The following KCNH5 variants were observed in gnomAD, a reference collection of about 807,000 sequenced individuals.
KCNH5 encodes voltage-gated delayed rectifier potassium channel KCNH5.
KCNH5 carries 46 observed loss-of-function variants against 96.1 expected under a neutral mutation model. That is an observed-to-expected ratio of 0.48 (90% CI 0.38 to 0.61). The LOEUF (loss-of-function observed/expected upper bound fraction) is 0.61, where lower values mean the gene tolerates loss of function less well. Among genes scored for constraint, KCNH5 ranks in the 20% least tolerant of loss-of-function variants. The pLI, the probability that KCNH5 is intolerant of heterozygous loss-of-function variation, is 0.00. For missense variants in KCNH5, 907 were observed against 1,225.8 expected, an observed-to-expected ratio of 0.74 and a Z score of 3.88; for synonymous variants, 439 against 449.8, an observed-to-expected ratio of 0.98 and a Z score of 0.30.
intron 7 of KCNH5, among the ~76,000 whole-genome samples, chr14:62,937,841 T>C (rs2140120978): frequency 6.6e-6 from 1 of 152,230 alleles, no homozygotes; most frequent in South Asian, 2.1e-4. Context: ...ATTTGGAGTG[T>C]CAGTGTGTGC....
chr14:62,999,462 C>T (rs1356913710), intron 4 of KCNH5, among the ~76,000 whole-genome samples: 1 of 151,688 alleles, frequency 6.6e-6, no homozygotes. Context: ...TGGAACCAAC[C>T]CAAATGCCCA....
intron 10 of KCNH5, among the ~76,000 whole-genome samples, chr14:62,769,168 CACTT>C (rs1357900218): frequency 1.3e-5 from 2 of 152,244 alleles, no homozygotes; most frequent in African/African-American, 4.8e-5. Context: ...TCCCTTAACT[CACTT>C]GTCTTACAGT....
Position 62,737,180 on chromosome 14 carries a change from T to C in KCNH5, c.2020-28725A>G, listed in dbSNP as rs1022816635. Among the ~76,000 whole-genome samples the C allele has an allele frequency of 1.9e-4, 29 of 152,180 alleles. 1 individual carries two copies. Reference sequence around the variant, plus strand: ...TTGCTCTCATTATCTTCAAATAGATTATACATTTTACTTATTTGTTTTTCT... The same window carrying C: ...TTGCTCTCATTATCTTCAAATAGATCATACATTTTACTTATTTGTTTTTCT... On this transcript the variant is annotated intron_variant, in intron 10 of 10. Coordinates refer to ENST00000322893, the MANE Select transcript of KCNH5 (RefSeq NM_139318.5).
intron 7 of KCNH5, among the ~76,000 whole-genome samples, chr14:62,927,676 A>T (rs1889501872): frequency 6.6e-6 from 1 of 152,120 alleles, no homozygotes; most frequent in Non-Finnish European, 1.5e-5. Flanking sequence ...AGCACCTAAA[A>T]TACTCAAATT....
chr14:62,894,103 T>A (rs1376208073), intron 7 of KCNH5, among the ~76,000 whole-genome samples: 2 of 152,322 alleles, frequency 1.3e-5, no homozygotes, highest in East Asian at 1.9e-4. Flanking sequence ...TTAGACATAA[T>A]AGTATTCCAT....
At position 62,796,731 on chromosome 14, in the gene KCNH5, C is replaced by T. The variant is rs184888359; in HGVS notation, c.1822+5598G>A. Among the ~76,000 whole-genome samples, 36 of 152,222 alleles carry T rather than the reference C, an allele frequency of 2.4e-4. 1 individual carries two copies. The highest frequency in any genetic ancestry group is 8.4e-4 in the African/African-American group (35 of 41,534). Reference sequence around the variant, plus strand: ...CCTCAGGAAGTCCTGACGACATGTGCCCAACATGATCGGGACACAGCTTGG... The same window carrying T: ...CCTCAGGAAGTCCTGACGACATGTGTCCAACATGATCGGGACACAGCTTGG... On this transcript the variant is annotated intron_variant, in intron 9 of 10. Coordinates refer to ENST00000322893, the MANE Select transcript of KCNH5 (RefSeq NM_139318.5).
chr14:62,987,546 C>G (rs74058739), intron 4 of KCNH5, among the ~76,000 whole-genome samples: 1 of 152,138 alleles, frequency 6.6e-6, no homozygotes, highest in African/African-American at 2.4e-5. Flanking sequence ...TCTTGCATCT[C>G]AGTATGGCCT....
Position 62,802,472 on chromosome 14 carries a change from C to T in KCNH5, c.1679G>A (p.Arg560His). 3 of 1,614,112 alleles carry T rather than the reference C, an allele frequency of 1.9e-6. No individual in the cohort carries two copies. The highest frequency in any genetic ancestry group is 2.5e-6 in the Non-Finnish European group (3 of 1,180,004). Reference sequence around the variant, plus strand: ...GGTTTGGAACTCTACCGCCAAGGCGCGCAGACACCCATCGCTGGCCAATCG... The same window carrying T: ...GGTTTGGAACTCTACCGCCAAGGCGTGCAGACACCCATCGCTGGCCAATCG... ...AFRLASDGCL[R>H]ALAVEFQTIH... Residue 560 changes from arginine (R) to histidine (H), a missense_variant, in exon 9 of 11, where the codon CGC becomes CAC. By Grantham distance (29) the Arg-to-His change is conservative. Coordinates refer to ENST00000322893, the MANE Select transcript of KCNH5 (RefSeq NM_139318.5).
rs550699145 is a variant in KCNH5 at position 62,796,442 on chromosome 14, A to C, written c.1822+5887T>G. ...CATTTATGCTCTTTTTCCCAACCCC[A>C]TAACAATTTCAATCCCTCCTTCCAA... On this transcript the variant is annotated intron_variant, in intron 9 of 10. Coordinates refer to ENST00000322893, the MANE Select transcript of KCNH5 (RefSeq NM_139318.5). Among the ~76,000 whole-genome samples the C allele has an allele frequency of 4.6e-5, 7 of 152,312 alleles. No homozygotes were observed. In the South Asian group the frequency reaches 1.2e-3, roughly 27 times the overall value.
At chr14:62,720,915 A>G (rs1035560580) in intron 10 of KCNH5, among the ~76,000 whole-genome samples, 2 of 152,204 alleles carry the variant, frequency 1.3e-5, no homozygotes, top group African/African-American at 4.8e-5. Flanking sequence ...ACACACATGC[A>G]CAGTATGCAA....
chr14:62,945,368 C>T (rs1889866384), intron 7 of KCNH5, among the ~76,000 whole-genome samples: 1 of 152,128 alleles, frequency 6.6e-6, no homozygotes, highest in South Asian at 2.1e-4. Flanking sequence ...AAAGCTCTAA[C>T]ACCCTGCATT....
At chr14:62,843,600 C>A in intron 8 of KCNH5, among the ~76,000 whole-genome samples, 1 of 151,826 alleles carries the variant, frequency 6.6e-6, no homozygotes, top group South Asian at 2.1e-4. Context: ...TTAGTAGAGA[C>A]GGGATTTCAC....
intron 7 of KCNH5, among the ~76,000 whole-genome samples, chr14:62,876,911 T>A (rs902780114): frequency 6.6e-6 from 1 of 152,224 alleles, no homozygotes; most frequent in African/African-American, 2.4e-5. Flanking sequence ...ACATTATATG[T>A]AAAAATTTTG....
chr14:62,787,599 T>C (rs1481602062), intron 9 of KCNH5, among the ~76,000 whole-genome samples: 1 of 151,442 alleles, frequency 6.6e-6, no homozygotes, highest in Non-Finnish European at 1.5e-5. Flanking sequence ...ATCTGGGACT[T>C]TCATAGATAG....
intron 10 of KCNH5, among the ~76,000 whole-genome samples, chr14:62,742,537 T>C (rs1885292427): frequency 6.6e-6 from 1 of 152,188 alleles, no homozygotes; most frequent in African/African-American, 2.4e-5. Flanking sequence ...TAATTTAAAT[T>C]AGAATCTCTA....
intron 3 of KCNH5, among the ~76,000 whole-genome samples, chr14:63,003,329 G>T (rs923374288): frequency 6.7e-6 from 1 of 149,262 alleles, no homozygotes; most frequent in African/African-American, 2.5e-5. Context: ...GAGTCTGGGA[G>T]GGTTAAGTAG....
intron 8 of KCNH5, among the ~76,000 whole-genome samples, chr14:62,819,759 A>G (rs549590817): frequency 2.6e-5 from 4 of 152,322 alleles, no homozygotes; most frequent in East Asian, 3.9e-4. Context: ...TGGTATATAC[A>G]TATGCAAAAA....
At chr14:62,802,669 A>G (rs1286152435) in intron 8 of KCNH5, 88 bp from the exon 9 acceptor site, 5 of 1,466,414 alleles carry the variant, frequency 3.4e-6, no homozygotes, top group Non-Finnish European at 3.7e-6. Flanking sequence ...TTTATTGACT[A>G]TGACTATGTC....
intron 8 of KCNH5, among the ~76,000 whole-genome samples, chr14:62,848,319 C>G (rs1887738258): frequency 6.6e-6 from 1 of 152,212 alleles, no homozygotes; most frequent in South Asian, 2.1e-4. Flanking sequence ...TGGATACTCT[C>G]TCTACTAACC....
Sources: allele counts gnomAD v4.1 joint callset (sites outside exome capture counted in the v4.1 genomes callset), GRCh38; gene constraint gnomAD v4.1.1; transcripts MANE v1.5; gene names NCBI Gene and HGNC (gene_info 2026-07-23, HGNC 2026-07-21).